SFMBT2: variants seen among roughly 807,000 people sequenced by gnomAD.
SFMBT2 encodes scm-like with four MBT domains protein 2.
In SFMBT2, 38 loss-of-function variants were observed where a neutral mutation model predicts 110.1. The observed-to-expected ratio is 0.35, with a 90% CI of 0.27 to 0.45. The LOEUF (loss-of-function observed/expected upper bound fraction) is 0.45. Ranked by LOEUF, SFMBT2 falls within the 20% of genes least tolerant of loss-of-function variation. SFMBT2 has a pLI of 1.00. For synonymous variants in SFMBT2, 425 were observed against 425.4 expected (o/e 1.00, Z 0.01); for missense variants, 1,011 against 1,094.9 (o/e 0.92, Z 1.08).
intron 11 of SFMBT2, among the ~76,000 whole-genome samples, chr10:7,210,572 T>C (rs1839310959): frequency 6.6e-6 from 1 of 152,234 alleles, no homozygotes; most frequent in Non-Finnish European, 1.5e-5. Flanking sequence ...GTGTTAACCT[T>C]GCCTAATAAA....
intron 4 of SFMBT2, among the ~76,000 whole-genome samples, chr10:7,315,564 T>C (rs1842987650): frequency 6.6e-6 from 1 of 152,236 alleles, no homozygotes; most frequent in African/African-American, 2.4e-5. Flanking sequence ...TCAGCTCTCC[T>C]GGATCTCCAG....
At chr10:7,290,801 C>T (rs1020489566) in intron 4 of SFMBT2, among the ~76,000 whole-genome samples, 6 of 152,120 alleles carry the variant, frequency 3.9e-5, no homozygotes, top group East Asian at 3.8e-4. Context: ...CACACCACTA[C>T]ACTCCAGCCT....
At chr10:7,335,406 C>G (rs544981966) in intron 4 of SFMBT2, among the ~76,000 whole-genome samples, 6 of 152,104 alleles carry the variant, frequency 3.9e-5, no homozygotes, top group African/African-American at 7.2e-5. Flanking sequence ...CGCAGCTCAC[C>G]GGTATAATCT....
chr10:7,348,714 C>G (rs1450872477), intron 4 of SFMBT2, among the ~76,000 whole-genome samples: 3 of 152,210 alleles, frequency 2.0e-5, no homozygotes, highest in African/African-American at 7.2e-5. Flanking sequence ...TTGTGTTCAT[C>G]TTCAGAAAGC....
At chr10:7,164,380 T>C (rs1837637614) in intron 20 of SFMBT2, 1 of 976,768 alleles carries the variant, frequency 1.0e-6, no homozygotes. Flanking sequence ...AGCAGGAGAC[T>C]CTCTAAACAA....
In SFMBT2 at chr10:7,343,223, T is replaced by C. The variant is rs144472782; in HGVS notation, c.436+24426A>G. Among the ~76,000 whole-genome samples, 232 of 133,270 alleles carry C rather than the reference T, an allele frequency of 1.7e-3. 3 individuals carry two copies. Among genetic ancestry groups the C allele is most frequent in the African/African-American group, 5.7e-3 (215 of 37,998 alleles). 87.4% of individuals were successfully genotyped at this position (133,270 alleles called of 152,430 possible). A position where few individuals can be genotyped will look rare whatever the true frequency, so the allele number is the denominator to read the frequency against. ...TTGCTGCAAAGGACATGATCTTGCT[T>C]TTTTTTTTTAATGGCTGCGTAGTAT... is the stretch of plus-strand genomic sequence containing the variant. On this transcript the variant is annotated intron_variant, in intron 4 of 20. Coordinates refer to ENST00000397167, the MANE Select transcript of SFMBT2 (RefSeq NM_001387889.1).
At chr10:7,287,167 C>T (rs911366960) in intron 4 of SFMBT2, among the ~76,000 whole-genome samples, 1 of 150,968 alleles carries the variant, frequency 6.6e-6, no homozygotes, top group Non-Finnish European at 1.5e-5. Context: ...GCAAGCTCCG[C>T]CTCCCAGGTT....
chr10:7,370,639 C>A (rs1845035258), intron 2 of SFMBT2: 1 of 165,632 alleles, frequency 6.0e-6, no homozygotes, highest in African/African-American at 2.4e-5. Context: ...TAACATGAGA[C>A]ATGTTCCAAC....
At chr10:7,327,331 GAAA>G (rs1002362023) in intron 4 of SFMBT2, among the ~76,000 whole-genome samples, 44 of 150,510 alleles carry the variant, frequency 2.9e-4, no homozygotes, top group African/African-American at 1.0e-3. Flanking sequence ...TCATCACCCC[GAAA>G]AAAAAATCCC....
chr10:7,250,955 C>T (rs932317384), intron 7 of SFMBT2, among the ~76,000 whole-genome samples: 15 of 152,062 alleles, frequency 9.9e-5, no homozygotes, highest in African/African-American at 2.4e-4. Context: ...ACAGGTGAGG[C>T]GCCATCACAA....
At chr10:7,202,303 T>A (rs1838980079) in intron 13 of SFMBT2, 177 bp downstream of exon 13, 1 of 322,378 alleles carries the variant, frequency 3.1e-6, no homozygotes, top group Non-Finnish European at 4.5e-6. Context: ...GAGCAGGCAC[T>A]GTGTCTTGCA....
chr10:7,314,348 A>C (rs1842930931), intron 4 of SFMBT2, among the ~76,000 whole-genome samples: 1 of 152,226 alleles, frequency 6.6e-6, no homozygotes, highest in Non-Finnish European at 1.5e-5. Context: ...AAAATCCACA[A>C]AGCATTAACA....
intron 1 of SFMBT2, among the ~76,000 whole-genome samples, chr10:7,388,742 T>C (rs1019046590): frequency 3.9e-5 from 6 of 151,936 alleles, no homozygotes; most frequent in Admixed American, 6.6e-5. Context: ...GAACAAAGAC[T>C]TGGGGTGAGA....
chr10:7,306,016 G>A (rs150367252), intron 4 of SFMBT2, among the ~76,000 whole-genome samples: 277 of 152,376 alleles, frequency 1.8e-3, no homozygotes, highest in African/African-American at 6.4e-3. Context: ...TAAACTCTAA[G>A]TATTTCAGAT....
intron 4 of SFMBT2, among the ~76,000 whole-genome samples, chr10:7,358,663 C>T (rs779163085): frequency 1.8e-4 from 22 of 124,810 alleles, no homozygotes; most frequent in Non-Finnish European, 3.1e-4. Context: ...ATCAGCATGG[C>T]GCTAGAACAT....
intron 12 of SFMBT2, chr10:7,204,973 ATTGGTTAT>A: frequency 1.0e-6 from 1 of 980,188 alleles, no homozygotes; most frequent in Non-Finnish European, 1.2e-6. Flanking sequence ...AACTGTTAAT[ATTGGTTAT>A]TTGGTATTTC....
At chr10:7,361,171 G>A (rs1038608679) in intron 4 of SFMBT2, among the ~76,000 whole-genome samples, 1 of 151,928 alleles carries the variant, frequency 6.6e-6, no homozygotes, top group Non-Finnish European at 1.5e-5. Context: ...TGAGTTTTTA[G>A]CATATATACT....
rs181013486 is a variant in SFMBT2, at chr10:7,199,031, T to A, written c.1559-1344A>T. ...TCTCACTTTGTTGCCCAGGCTGGAA[T>A]GCAGTGGTGCAATCTCAGCTCACTG... On this transcript the variant is annotated intron_variant, in intron 14 of 20. Coordinates refer to ENST00000397167, the MANE Select transcript of SFMBT2 (RefSeq NM_001387889.1). 9.7e-4 allele frequency among the ~76,000 whole-genome samples: 148 copies of A among 152,346 alleles called. No individual in the cohort carries two copies. In the East Asian group the frequency reaches 0.012, roughly 12 times the overall value.
chr10:7,408,179 G>A lies in SFMBT2; in HGVS notation c.-52+2682C>T, dbSNP rs554287666. Among the ~76,000 whole-genome samples the A allele has an allele frequency of 5.9e-5, 9 of 152,378 alleles. No homozygotes were observed. The highest frequency in any genetic ancestry group is 1.9e-4 in the African/African-American group (8 of 41,592). On this transcript the variant is annotated intron_variant, in intron 1 of 20. Transcript: ENST00000397167. This position sits in a 1 kb window ranked among gnomAD's most constrained non-coding sequence, Gnocchi z 5.7. ...TGAAACTGCAGCTTCGCAGCACAGA[G>A]CCATTTTAGGCTGCTCCCCACCTCG...
Sources: allele counts gnomAD v4.1 joint callset (sites outside exome capture counted in the v4.1 genomes callset), GRCh38; gene constraint gnomAD v4.1.1; non-coding constraint Gnocchi (gnomAD v3.1); transcripts MANE v1.5; gene names NCBI Gene and HGNC (gene_info 2026-07-23, HGNC 2026-07-21).